PCDHGA7: variants seen among roughly 807,000 people sequenced by gnomAD.
PCDHGA7 encodes the protein protocadherin gamma subfamily A, 7.
Under a neutral mutation model 58.3 loss-of-function variants are expected in PCDHGA7, and 44 were observed. The observed-to-expected ratio is 0.75, with a 90% CI of 0.59 to 0.97. The LOEUF (loss-of-function observed/expected upper bound fraction) is 0.97, where lower values mean the gene tolerates loss of function less well. Among genes scored for constraint, PCDHGA7 ranks in the 50% least tolerant of loss-of-function variants. The pLI is 0.00. For missense variants in PCDHGA7, 1,266 were observed against 1,188.7 expected, an observed-to-expected ratio of 1.06 and a Z score of -0.96; for synonymous variants, 516 against 504.2, an observed-to-expected ratio of 1.02 and a Z score of -0.31.
At position 141,385,228 on chromosome 5, in the gene PCDHGA7, GAC is replaced by G. The variant is rs1361009837; in HGVS notation, c.2331_2332del (p.Met778AlafsTer8). 9 of 1,614,224 alleles carry G rather than the reference GAC, an allele frequency of 5.6e-6. No individual in the cohort carries two copies. The South Asian group carries it at 8.8e-5, about 16-fold the overall frequency. On this transcript the variant is annotated frameshift_variant, in exon 1 of 4. Transcript: ENST00000518325. LOFTEE classifies it high-confidence loss of function. Reference protein sequence around the residue: ...HLIFPQPNYVDMLISQESCEK... With the variant: ...HLIFPQPNYVXMLISQESCEK... ...GATCTTCCCCCAGCCCAACTATGTAGACATGCTCATCAGCCAGGAGAGCTGTG... is the reference window on the plus strand; with the variant it reads ...GATCTTCCCCCAGCCCAACTATGTAGATGCTCATCAGCCAGGAGAGCTGTG...
intron 1 of PCDHGA7, chr5:141,423,105 G>C (rs1480411428): frequency 1.9e-6 from 3 of 1,613,920 alleles, no homozygotes; most frequent in East Asian, 4.5e-5. Flanking sequence ...ACACGGGCGA[G>C]GTGCGTACAG....
At chr5:141,397,462 G>A (rs1415733475) in intron 1 of PCDHGA7, among the ~76,000 whole-genome samples, 1 of 152,152 alleles carries the variant, frequency 6.6e-6, no homozygotes, top group Non-Finnish European at 1.5e-5. Context: ...TAGAAATATT[G>A]GGGAGTTGGA....
chr5:141,419,681 G>T (rs377117997), intron 1 of PCDHGA7: 89 of 1,612,904 alleles, frequency 5.5e-5, no homozygotes, highest in Non-Finnish European at 7.0e-5. Flanking sequence ...GTCCTACCAC[G>T]TGGTGCAGGC....
chr5:141,447,514 C>T (rs901543835), intron 1 of PCDHGA7, among the ~76,000 whole-genome samples: 20 of 152,196 alleles, frequency 1.3e-4, no homozygotes, highest in Admixed American at 8.5e-4. Context: ...AGATGCATAA[C>T]AATCATAACA....
At chr5:141,388,831 T>A (rs1300455758) in intron 1 of PCDHGA7, 1 of 1,613,964 alleles carries the variant, frequency 6.2e-7, no homozygotes, top group Non-Finnish European at 8.5e-7. Flanking sequence ...TATTCCATAG[T>A]TTTGGAAGCA....
rs1484954022 is a variant in PCDHGA7 at position 141,511,920 on chromosome 5, T to C, written c.*747T>C. 1 of 156,200 alleles carries C rather than the reference T, an allele frequency of 6.4e-6. No individual in the cohort carries two copies. Among genetic ancestry groups the C allele is most frequent in the Non-Finnish European group, 1.4e-5 (1 of 70,262 alleles). The allele number at this position is 156,200 out of a possible 1,614,324, so 9.7% of individuals were successfully genotyped here. The stretch of plus-strand genomic sequence containing the variant: ...CTCCTCCTCAAACAAGAGACTCCAC[T>C]GCATGTTCCAAGACAGTATGGGGTG... On this transcript the variant is annotated 3_prime_UTR_variant, in exon 4 of 4. Coordinates refer to ENST00000518325, the MANE Select transcript of PCDHGA7 (RefSeq NM_018920.4).
chr5:141,510,814 CT>C, intron 3 of PCDHGA7, 132 bp from the exon 4 acceptor site: 1 of 1,544,688 alleles, frequency 6.5e-7, no homozygotes, highest in Non-Finnish European at 8.8e-7. Context: ...TTGGTGACCC[CT>C]ATATTCCCAG....
At chr5:141,421,512 G>A in intron 1 of PCDHGA7, 1 of 1,614,094 alleles carries the variant, frequency 6.2e-7, no homozygotes, top group Non-Finnish European at 8.5e-7. Flanking sequence ...ACCGGGAGGA[G>A]CTCTGTGAGA....
rs2096153349 is a variant in PCDHGA7 at position 141,417,731 on chromosome 5, C to G, written c.2424+32408C>G. 2.2e-6 allele frequency: 3 copies of G among 1,378,810 alleles called. No homozygotes were observed. In the East Asian group the frequency reaches 7.6e-5, roughly 35 times the overall value. 85.4% of individuals were successfully genotyped at this position (1,378,810 alleles called of 1,614,324 possible). A position where few individuals can be genotyped will look rare whatever the true frequency, so the allele number is the denominator to read the frequency against. On this transcript the variant is annotated intron_variant, in intron 1 of 3. Coordinates refer to ENST00000518325, the MANE Select transcript of PCDHGA7 (RefSeq NM_018920.4). ...AGGCTCCCGGCTGCGCAGACCTTGC[C>G]CAGCACACCAGATTGCCAGCTCCGA...
intron 1 of PCDHGA7, chr5:141,417,860 A>G (rs1168739756): frequency 7.7e-6 from 12 of 1,549,390 alleles, no homozygotes; most frequent in African/African-American, 1.4e-5. Flanking sequence ...CGAGCGAACG[A>G]TGGGAGGGAG....
chr5:141,388,356 C>A (rs756910714), intron 1 of PCDHGA7: 2 of 1,613,944 alleles, frequency 1.2e-6, no homozygotes, highest in Non-Finnish European at 1.7e-6. Flanking sequence ...AGGATCTGCC[C>A]ATGATGCGGA....
chr5:141,510,852 G>A (rs2099883073), intron 3 of PCDHGA7, 95 bp from the exon 4 acceptor site: 2 of 1,601,096 alleles, frequency 1.2e-6, no homozygotes, highest in Non-Finnish European at 1.7e-6. Flanking sequence ...GGCCCAGGGT[G>A]CTGTATAGGC....
Position 141,486,617 on chromosome 5 carries a change from C to G in PCDHGA7, c.2425-8190C>G. ...GCTTTGCTCCCTTGCAGCCTCTGAC[C>G]CAGACTCTGGCTTGAATGCGCTTAT... On this transcript the variant is annotated intron_variant, in intron 1 of 3. Transcript: ENST00000518325. This position sits in a 1 kb window ranked among gnomAD's most constrained non-coding sequence, Gnocchi z 5.0. 1 of 1,613,602 alleles carries G rather than the reference C, an allele frequency of 6.2e-7. No homozygotes were observed. Among genetic ancestry groups the G allele is most frequent in the South Asian group, 1.1e-5 (1 of 91,086 alleles).
At position 141,432,688 on chromosome 5, in the gene PCDHGA7, A is replaced by G. The variant is rs143889434; in HGVS notation, c.2424+47365A>G. On this transcript the variant is annotated intron_variant, in intron 1 of 3. Coordinates refer to ENST00000518325, the MANE Select transcript of PCDHGA7 (RefSeq NM_018920.4). The surrounding 1 kb of genome is among the most constrained non-coding windows in gnomAD (Gnocchi z 6.0). ...GAGACGCGCTCAAGCAGAGCCTCGT[A>G]GTGGCCGTCCAGGACCACGGCCAGC... 2,218 of 1,613,894 alleles carry G rather than the reference A, an allele frequency of 1.4e-3. 31 individuals are homozygous for G. The African/African-American group carries it at 0.023, about 17-fold the overall frequency.
chr5:141,428,266 G>A (rs764763674), intron 1 of PCDHGA7: 1 of 810,620 alleles, frequency 1.2e-6, no homozygotes. Context: ...TGACAGTCCT[G>A]TGCCCTCTGA....
rs1469908164 is a variant in PCDHGA7 at position 141,383,466 on chromosome 5, T to G, written c.567T>G (p.Thr189=). 6.2e-7 allele frequency: 1 copy of G among 1,613,798 alleles called. No individual in the cohort carries two copies. Among genetic ancestry groups the G allele is most frequent in the South Asian group, 1.1e-5 (1 of 91,064 alleles). ...SLAVQSGDDE[T]KYPELVLERV... ...CTGTGCAAAGTGGAGACGATGAAAC[T>G]AAGTACCCGGAACTGGTGCTGGAGC... Residue 189 remains threonine (T), a synonymous_variant, in exon 1 of 4, where the codon ACT becomes ACG. Coordinates refer to ENST00000518325, the MANE Select transcript of PCDHGA7 (RefSeq NM_018920.4).
At position 141,485,480 on chromosome 5, in the gene PCDHGA7, A is replaced by G. The variant is rs535194185; in HGVS notation, c.2425-9327A>G. On this transcript the variant is annotated intron_variant, in intron 1 of 3. Transcript: ENST00000518325. The surrounding 1 kb of genome is among the most constrained non-coding windows in gnomAD (Gnocchi z 5.7). Reference sequence around the variant, plus strand: ...ACTGTGTGGGCTCAGTGCCAGCTGCATCGTGCCCCTGGAGTTTGTCACCGA... The same window carrying G: ...ACTGTGTGGGCTCAGTGCCAGCTGCGTCGTGCCCCTGGAGTTTGTCACCGA... The G allele has an allele frequency of 2.5e-6, 4 of 1,614,154 alleles. No individual in the cohort carries two copies. The South Asian group carries it at 3.3e-5, about 13-fold the overall frequency.
Position 141,408,181 on chromosome 5 carries a change from C to G in PCDHGA7, c.2424+22858C>G, listed in dbSNP as rs1304952667. ...TTTCTCCAACTGGAAAAGCGGGGAC[C>G]CAGCGAGAACCCGAGCGAACGATGG... On this transcript the variant is annotated intron_variant, in intron 1 of 3. Coordinates refer to ENST00000518325, the MANE Select transcript of PCDHGA7 (RefSeq NM_018920.4). The G allele has an allele frequency of 1.6e-5, 24 of 1,536,932 alleles. No individual in the cohort carries two copies. In the East Asian group the frequency reaches 5.6e-4, roughly 36 times the overall value.
At chr5:141,430,584 G>A (rs1451886397) in intron 1 of PCDHGA7, 3 of 495,136 alleles carry the variant, frequency 6.1e-6, no homozygotes, top group African/African-American at 5.9e-5. Flanking sequence ...GATCCTGCTC[G>A]CCTTGCACGC....
Sources: gnomAD v4.1 joint callset for allele counts (sites outside exome capture counted in the v4.1 genomes callset) on GRCh38, gnomAD v4.1.1 for gene constraint, Gnocchi (gnomAD v3.1) non-coding constraint, MANE v1.5 for transcripts, NCBI Gene and HGNC (gene_info 2026-07-23, HGNC 2026-07-21) for gene names.